The following MTSS1 variants were observed in gnomAD, a reference collection of about 807,000 sequenced individuals.
MTSS1 encodes protein MTSS 1.
In MTSS1, 18 loss-of-function variants were observed where a neutral mutation model predicts 79.0. The ratio of observed to expected loss-of-function variants is 0.23; its 90% CI spans 0.16 to 0.34. The LOEUF (loss-of-function observed/expected upper bound fraction) is 0.34, where lower values mean the gene tolerates loss of function less well. Among genes scored for constraint, MTSS1 ranks in the 10% least tolerant of loss-of-function variants. MTSS1 has a pLI of 1.00. For synonymous variants in MTSS1, 341 were observed against 368.6 expected, an observed-to-expected ratio of 0.93 and a Z score of 0.86; for missense variants, 815 against 986.2, an observed-to-expected ratio of 0.83 and a Z score of 2.33.
chr8:124,638,973 C>T (rs1322178097), intron 3 of MTSS1, among the ~76,000 whole-genome samples: 1 of 152,222 alleles, frequency 6.6e-6, no homozygotes, highest in African/African-American at 2.4e-5. Context: ...GCACTTACTA[C>T]ACATTGTCAC....
At chr8:124,577,091 G>A (rs1829111462) in intron 6 of MTSS1, among the ~76,000 whole-genome samples, 1 of 152,186 alleles carries the variant, frequency 6.6e-6, no homozygotes, top group South Asian at 2.1e-4. Flanking sequence ...GGTTTTACTG[G>A]AGACAAGCTT....
intron 3 of MTSS1, among the ~76,000 whole-genome samples, chr8:124,618,379 A>G (rs920286819): frequency 6.6e-6 from 1 of 152,238 alleles, no homozygotes; most frequent in African/African-American, 2.4e-5. Flanking sequence ...GCCTTCATTC[A>G]TGCCAAGAGT....
intron 3 of MTSS1, among the ~76,000 whole-genome samples, chr8:124,649,602 T>C (rs1209236722): frequency 1.3e-5 from 2 of 152,056 alleles, no homozygotes; most frequent in Admixed American, 6.6e-5. Flanking sequence ...CTCAAGGTGC[T>C]CCATTAATGG....
chr8:124,727,598 C>T lies in MTSS1; in HGVS notation c.72+286G>A, dbSNP rs750623643. On this transcript the variant is annotated intron_variant, in intron 1 of 13. Transcript: ENST00000518547. This position sits in a 1 kb window ranked among gnomAD's most constrained non-coding sequence, Gnocchi z 4.7. Reference sequence around the variant, plus strand: ...CAATGGGAAAACTTGCAGCCAGTGCCTTGAGCCCCCGAGGGAAAGAAATGG... The same window carrying T: ...CAATGGGAAAACTTGCAGCCAGTGCTTTGAGCCCCCGAGGGAAAGAAATGG... 1 of 591,304 alleles carries T rather than the reference C, an allele frequency of 1.7e-6. No homozygotes were observed. Among genetic ancestry groups the T allele is most frequent in the East Asian group, 3.7e-5 (1 of 26,828 alleles). 36.6% of individuals were successfully genotyped at this position (591,304 alleles called of 1,614,324 possible).
rs562273150 is a variant in MTSS1, at chr8:124,670,132, C to T, written c.208+29394G>A. On this transcript the variant is annotated intron_variant, in intron 3 of 13. Coordinates refer to ENST00000518547, the MANE Select transcript of MTSS1 (RefSeq NM_014751.6). ...GAATTCTAAGTGCCATAAAACACTG[C>T]CAAGGAACAGAAAGGATAAATGGGG... Among the ~76,000 whole-genome samples the T allele has an allele frequency of 4.6e-5, 7 of 152,154 alleles. No homozygotes were observed. In the East Asian group the frequency reaches 5.8e-4, roughly 13 times the overall value.
Position 124,556,315 on chromosome 8 carries a change from C to T in MTSS1, c.1321G>A (p.Gly441Arg), listed in dbSNP as rs1487299299. 2 of 1,614,210 alleles carry T rather than the reference C, an allele frequency of 1.2e-6. No homozygotes were observed. Among genetic ancestry groups the T allele is most frequent in the Middle Eastern group, 1.6e-4 (1 of 6,062 alleles). The change falls in exon 12 of 14, where the codon GGA becomes AGA. Residue 441 changes from glycine to arginine, a missense_variant. Around this residue, in one of 2 missense-constraint regions of MTSS1, gnomAD observed 590 missense variants for 620.8 expected, o/e 0.95. Transcript: ENST00000518547. ...GGTGGGCCGCTGGCGGTAGTGGGTC[C>T]TCCCCCGTTGGGGTCCGGTTCTCGC... ...EKREPDPNGGGPTTASGPPAA... is the reference protein window; with the variant it reads ...EKREPDPNGGRPTTASGPPAA...
chr8:124,567,267 T>A, intron 7 of MTSS1, 89 bp from the exon 8 acceptor site: 1 of 1,106,756 alleles, frequency 9.0e-7, no homozygotes, highest in East Asian at 2.4e-5. Flanking sequence ...GGTCTCTGTA[T>A]AACCCTTTCA....
At chr8:124,614,612 T>A (rs1836501986) in intron 3 of MTSS1, among the ~76,000 whole-genome samples, 1 of 152,246 alleles carries the variant, frequency 6.6e-6, no homozygotes. Flanking sequence ...AGAAACAATG[T>A]CATGAATGGT....
intron 3 of MTSS1, among the ~76,000 whole-genome samples, chr8:124,686,981 G>A (rs1383072704): frequency 3.3e-5 from 5 of 152,110 alleles, no homozygotes; most frequent in Admixed American, 2.6e-4. Flanking sequence ...GCAAAATGGG[G>A]TTCCCACTAC....
At chr8:124,609,532 C>G (rs904659606) in intron 3 of MTSS1, among the ~76,000 whole-genome samples, 2 of 152,164 alleles carry the variant, frequency 1.3e-5, no homozygotes, top group Non-Finnish European at 2.9e-5. Flanking sequence ...TATCTTCTCC[C>G]TTGCAGAGGA....
chr8:124,648,791 T>C (rs562603540), intron 3 of MTSS1, among the ~76,000 whole-genome samples: 4 of 151,666 alleles, frequency 2.6e-5, no homozygotes, highest in Admixed American at 2.6e-4. Context: ...TGGGGACTGC[T>C]GTGAGATGGA....
chr8:124,556,312 G>C lies in MTSS1; in HGVS notation c.1324C>G (p.Pro442Ala). 1 of 1,614,208 alleles carries C rather than the reference G, an allele frequency of 6.2e-7. No homozygotes were observed. The highest frequency in any genetic ancestry group is 8.5e-7 in the Non-Finnish European group (1 of 1,180,024). Reference sequence around the variant, plus strand: ...GCAGGTGGGCCGCTGGCGGTAGTGGGTCCTCCCCCGTTGGGGTCCGGTTCT... The same window carrying C: ...GCAGGTGGGCCGCTGGCGGTAGTGGCTCCTCCCCCGTTGGGGTCCGGTTCT... ...KREPDPNGGG[P>A]TTASGPPAAA... Residue 442 changes from proline to alanine, a missense_variant, in exon 12 of 14, where the codon CCC (proline) becomes GCC (alanine). Physicochemically the swap from Pro to Ala is conservative, Grantham distance 27. Transcript: ENST00000518547.
intron 2 of MTSS1, among the ~76,000 whole-genome samples, chr8:124,700,249 G>T (rs561751473): frequency 6.6e-6 from 1 of 152,294 alleles, no homozygotes; most frequent in South Asian, 2.1e-4. Context: ...AATATAAGTG[G>T]TAGAGGTGAA....
At chr8:124,673,805 G>A (rs550319980) in intron 3 of MTSS1, among the ~76,000 whole-genome samples, 21 of 152,110 alleles carry the variant, frequency 1.4e-4, no homozygotes, top group African/African-American at 4.8e-4. Context: ...TTTCACCAAC[G>A]TGCCCATATT....
rs200222855 is a variant in MTSS1, at chr8:124,674,536, G to C, written c.208+24990C>G. ...ATTCTTATATTTTTAGTAAAGACAG[G>C]GTTTTGCCATGTTGGCTAGGCTGGT... On this transcript the variant is annotated intron_variant, in intron 3 of 13. Transcript: ENST00000518547. Among the ~76,000 whole-genome samples the C allele has an allele frequency of 9.9e-5, 15 of 152,140 alleles. No homozygotes were observed. In the East Asian group the frequency reaches 2.7e-3, roughly 27 times the overall value.
Position 124,565,519 on chromosome 8 carries a change from T to G in MTSS1, c.824+143A>C, listed in dbSNP as rs1469149955. On this transcript the variant is annotated intron_variant, in intron 9 of 13. Coordinates refer to ENST00000518547, the MANE Select transcript of MTSS1 (RefSeq NM_014751.6). ...AGAGACTAAAGAGCAAGACCAAAATTATTACCATTCTTTCAGCTCATCATC... is the reference window on the plus strand; with the variant it reads ...AGAGACTAAAGAGCAAGACCAAAATGATTACCATTCTTTCAGCTCATCATC... The G allele has an allele frequency of 8.5e-6, 6 of 706,834 alleles. No homozygotes were observed. In the East Asian group the frequency reaches 1.7e-4, roughly 20 times the overall value. The allele number at this position is 706,834 out of a possible 1,614,324, so 43.8% of individuals were successfully genotyped here.
chr8:124,642,190 T>G (rs1474539886), intron 3 of MTSS1, among the ~76,000 whole-genome samples: 1 of 152,210 alleles, frequency 6.6e-6, no homozygotes, highest in African/African-American at 2.4e-5. Context: ...AATACATGCT[T>G]TCAATTGTGG....
intron 6 of MTSS1, chr8:124,568,970 T>A: frequency 1.5e-6 from 1 of 658,078 alleles, no homozygotes; most frequent in Non-Finnish European, 2.1e-6. Context: ...GTTGGGTCAA[T>A]CTCAATCAAA....
At chr8:124,577,272 C>G (rs1230819840) in intron 6 of MTSS1, among the ~76,000 whole-genome samples, 1 of 152,198 alleles carries the variant, frequency 6.6e-6, no homozygotes, top group Admixed American at 6.5e-5. Context: ...ATTTTGGAGA[C>G]AGGGTCTCAC....
Sources: gnomAD v4.1 joint callset for allele counts (sites outside exome capture counted in the v4.1 genomes callset) on GRCh38, gnomAD v4.1.1 for gene constraint, gnomAD v4.1.1 regional missense constraint, Gnocchi (gnomAD v3.1) non-coding constraint, MANE v1.5 for transcripts, NCBI Gene and HGNC (gene_info 2026-07-23, HGNC 2026-07-21) for gene names.